The following MTCL1 variants were observed in gnomAD, a reference collection of about 807,000 sequenced individuals.
The protein encoded by MTCL1 is microtubule crosslinking factor 1, also known as microtubule cross-linking factor 1.
Under a neutral mutation model 141.4 loss-of-function variants are expected in MTCL1, and 79 were observed. The observed-to-expected ratio is 0.56, with a 90% CI of 0.47 to 0.67. The LOEUF is 0.67. Among genes scored for constraint, MTCL1 ranks in the 30% least tolerant of loss-of-function variants. The probability of loss-of-function intolerance (pLI) is 0.00; values close to 1 mark genes in which losing one functional copy is unlikely to be tolerated. For missense variants in MTCL1, 2,177 were observed against 2,113.9 expected (o/e 1.03, Z -0.59); for synonymous variants, 914 against 875.8 (o/e 1.04, Z -0.77).
At chr18:8,752,547 T>A (rs566289500) in intron 4 of MTCL1, among the ~76,000 whole-genome samples, 1 of 152,318 alleles carries the variant, frequency 6.6e-6, no homozygotes, top group South Asian at 2.1e-4. Flanking sequence ...AGAGTGCAAA[T>A]GTCTGCTGTC....
At chr18:8,753,491 C>G (rs1031001055) in intron 4 of MTCL1, among the ~76,000 whole-genome samples, 18 of 152,188 alleles carry the variant, frequency 1.2e-4, no homozygotes, top group Non-Finnish European at 2.9e-5. Flanking sequence ...AGTCAGTTTT[C>G]CTTGTCCCCA....
At chr18:8,715,006 C>A (rs1213095814), upstream of MTCL1, among the ~76,000 whole-genome samples, 1 of 152,092 alleles carries the variant, frequency 6.6e-6, no homozygotes, top group Non-Finnish European at 1.5e-5. Context: ...CTGTGTTAGC[C>A]AGGATGGTCT....
intron 12 of MTCL1, 93 bp from the exon 12 acceptor site, chr18:8,818,870 T>A (rs1248073462): frequency 1.6e-6 from 2 of 1,258,476 alleles, no homozygotes; most frequent in African/African-American, 3.0e-5. Flanking sequence ...AACTGACCTA[T>A]GTGTAATTGC....
intron 7 of MTCL1, among the ~76,000 whole-genome samples, chr18:8,792,076 T>C (rs537209869): frequency 6.6e-6 from 1 of 152,326 alleles, no homozygotes; most frequent in South Asian, 2.1e-4. Flanking sequence ...GGAGAAGTAG[T>C]AGATAAGTTA....
At chr18:8,813,912 G>A (rs1221003912) in intron 12 of MTCL1, among the ~76,000 whole-genome samples, 2 of 152,196 alleles carry the variant, frequency 1.3e-5, no homozygotes, top group Non-Finnish European at 2.9e-5. Context: ...AGTTGCAGTA[G>A]TTCCTGAGGG....
At chr18:8,712,885 G>T (rs550232645), upstream of MTCL1, among the ~76,000 whole-genome samples, 1 of 152,148 alleles carries the variant, frequency 6.6e-6, no homozygotes, top group African/African-American at 2.4e-5. Context: ...CATCCAAACT[G>T]GGTCTATTTA....
At chr18:8,735,212 A>G (rs2096269475) in intron 4 of MTCL1, among the ~76,000 whole-genome samples, 1 of 152,302 alleles carries the variant, frequency 6.6e-6, no homozygotes, top group East Asian at 1.9e-4. Flanking sequence ...CCAAGGTCAG[A>G]TTCTAGCATA....
At chr18:8,831,840 AT>A in exon 17 of MTCL1, 4 of 1,548,344 alleles carry the variant, frequency 2.6e-6, no homozygotes, top group Non-Finnish European at 3.5e-6. Flanking sequence ...ATTCACTGTA[AT>A]TTGCATAACC....
intron 4 of MTCL1, among the ~76,000 whole-genome samples, chr18:8,726,286 C>CTTTTTTTTTTTTTTT (rs77665680): frequency 1.4e-3 from 144 of 102,240 alleles, no homozygotes; most frequent in Middle Eastern, 6.2e-3. Context: ...TTCTTTTTTT[C>CTTTTTTTTTTTTTTT]TTTTTTTTTT....
chr18:8,726,136 G>T (rs1293289198), intron 4 of MTCL1, among the ~76,000 whole-genome samples: 7 of 151,952 alleles, frequency 4.6e-5, no homozygotes, highest in Non-Finnish European at 7.4e-5. Flanking sequence ...ACTCTTCCTT[G>T]TGATGAGTTA....
intron 4 of MTCL1, among the ~76,000 whole-genome samples, chr18:8,772,841 G>A (rs977628172): frequency 7.9e-5 from 12 of 151,864 alleles, no homozygotes; most frequent in Non-Finnish European, 1.3e-4. Flanking sequence ...ACAACATGAG[G>A]ACTATAATGA....
chr18:8,790,846 C>T (rs555738053), intron 7 of MTCL1, among the ~76,000 whole-genome samples: 120 of 152,238 alleles, frequency 7.9e-4, no homozygotes, highest in African/African-American at 2.7e-3. Context: ...GAAACCCTAT[C>T]TCTACTAAAA....
chr18:8,753,911 C>G (rs374177736), intron 4 of MTCL1, among the ~76,000 whole-genome samples: 2 of 152,110 alleles, frequency 1.3e-5, no homozygotes, highest in Non-Finnish European at 2.9e-5. Context: ...AGGACTGTTA[C>G]AATTTGTGAC....
Position 8,786,116 on chromosome 18 carries a change from C to G in MTCL1, c.1887+25C>G, listed in dbSNP as rs1568035365. 5.0e-6 allele frequency: 7 copies of G among 1,393,690 alleles called. No individual in the cohort carries two copies. In the South Asian group the frequency reaches 6.3e-5, roughly 13 times the overall value. 86.3% of individuals were successfully genotyped at this position (1,393,690 alleles called of 1,614,324 possible). A position where few individuals can be genotyped will look rare whatever the true frequency, so the allele number is the denominator to read the frequency against. ...GGTCAGCGTGGGCAAGCAATCCCCC[C>G]CCCCCGCCCTCCCCCTCCTTTTTCT... On this transcript the variant is annotated intron_variant, in intron 7 of 16. Transcript: ENST00000359865.
chr18:8,742,167 G>A lies in MTCL1; in HGVS notation c.357+21671G>A, dbSNP rs532144963. 1.2e-4 allele frequency among the ~76,000 whole-genome samples: 18 copies of A among 152,192 alleles called. No individual in the cohort carries two copies. In the South Asian group the frequency reaches 2.9e-3, roughly 25 times the overall value. On this transcript the variant is annotated intron_variant, in intron 4 of 16. Coordinates refer to ENST00000359865, the Ensembl canonical transcript of MTCL1. The stretch of plus-strand genomic sequence containing the variant: ...TGTAGGCAGGTGGGACACATACCTG[G>A]TTAAGAATTTTTGTTTATTATGGAG...
chr18:8,762,820 AG>A (rs1247320720), intron 4 of MTCL1, among the ~76,000 whole-genome samples: 1 of 152,136 alleles, frequency 6.6e-6, no homozygotes, highest in East Asian at 1.9e-4. Flanking sequence ...TCTGCGGGAT[AG>A]GGCGGGAAGG....
chr18:8,755,271 A>G (rs16954089), intron 4 of MTCL1, among the ~76,000 whole-genome samples: 8,338 of 152,246 alleles, frequency 0.055, 794 homozygotes, highest in African/African-American at 0.19. Context: ...GCTATTTGGG[A>G]TGTCGTTTGT....
intron 12 of MTCL1, among the ~76,000 whole-genome samples, chr18:8,815,625 T>TA (rs59947884): frequency 2.4e-3 from 322 of 131,896 alleles, no homozygotes; most frequent in Non-Finnish European, 3.9e-3. Context: ...TAATAATAAT[T>TA]AAAAAAAAAA....
At chr18:8,720,141 C>T (rs1337119379) in intron 3 of MTCL1, 197 bp from the exon 3 acceptor site, 1 of 562,052 alleles carries the variant, frequency 1.8e-6, no homozygotes, top group Non-Finnish European at 3.1e-6. Flanking sequence ...CCAGAGTGGC[C>T]TTTTAGCCCA....
Sources: allele counts gnomAD v4.1 joint callset (sites outside exome capture counted in the v4.1 genomes callset), GRCh38; gene constraint gnomAD v4.1.1; transcripts MANE v1.5; gene names NCBI Gene and HGNC (gene_info 2026-07-23, HGNC 2026-07-21).